KHDRBS3: variants seen among roughly 807,000 people sequenced by gnomAD.
KHDRBS3 encodes KH RNA binding domain containing, signal transduction associated 3, also known as KH domain-containing, RNA-binding, signal transduction-associated protein 3.
A neutral mutation model predicts 45.6 loss-of-function variants in KHDRBS3; 23 were observed. That is an observed-to-expected ratio of 0.50 (90% CI 0.36 to 0.72). The LOEUF (loss-of-function observed/expected upper bound fraction) is 0.72. Ranked by LOEUF, KHDRBS3 falls within the 30% of genes least tolerant of loss-of-function variation. The pLI, the probability that KHDRBS3 is intolerant of heterozygous loss-of-function variation, is 0.00. For synonymous variants in KHDRBS3, 162 were observed against 156.5 expected, an observed-to-expected ratio of 1.04 and a Z score of -0.26; for missense variants, 352 against 424.8, an observed-to-expected ratio of 0.83 and a Z score of 1.51.
chr8:135,630,364 G>A (rs1830541733), intron 7 of KHDRBS3, among the ~76,000 whole-genome samples: 1 of 152,086 alleles, frequency 6.6e-6, no homozygotes. Context: ...TTCTAATCCT[G>A]GCTTCACCAC....
intron 7 of KHDRBS3, among the ~76,000 whole-genome samples, chr8:135,611,249 A>G (rs1043938641): frequency 1.3e-5 from 2 of 151,900 alleles, no homozygotes; most frequent in Non-Finnish European, 2.9e-5. Flanking sequence ...AATCCTCATA[A>G]CATGTCAAAT....
At chr8:135,643,338 C>T (rs1418193516) in intron 7 of KHDRBS3, among the ~76,000 whole-genome samples, 3 of 152,136 alleles carry the variant, frequency 2.0e-5, no homozygotes, top group African/African-American at 7.2e-5. Context: ...TGGAGGTGCC[C>T]CTTCTCCGTA....
chr8:135,651,817 A>G (rs534891911), downstream of KHDRBS3, among the ~76,000 whole-genome samples: 2 of 152,302 alleles, frequency 1.3e-5, no homozygotes, highest in South Asian at 4.1e-4. Context: ...CACTGTGAGC[A>G]AGATGATTCC....
At chr8:135,496,279 C>G (rs1317777092) in intron 1 of KHDRBS3, among the ~76,000 whole-genome samples, 1 of 151,588 alleles carries the variant, frequency 6.6e-6, no homozygotes, top group Admixed American at 6.6e-5. Flanking sequence ...GATGCCCAGG[C>G]TGGAGTGCAG....
chr8:135,646,530 G>A (rs62525219), intron 8 of KHDRBS3, among the ~76,000 whole-genome samples: 210 of 152,228 alleles, frequency 1.4e-3, no homozygotes, highest in Non-Finnish European at 2.2e-3. Flanking sequence ...GCCCCTTCCC[G>A]TTTTGCTCTC....
intron 1 of KHDRBS3, among the ~76,000 whole-genome samples, chr8:135,505,472 T>C (rs1164497263): frequency 6.6e-6 from 1 of 152,154 alleles, no homozygotes; most frequent in Non-Finnish European, 1.5e-5. Flanking sequence ...TCCCAGGTAC[T>C]TTCCACTATA....
chr8:135,553,041 T>C (rs564385100), intron 4 of KHDRBS3, among the ~76,000 whole-genome samples: 2 of 152,316 alleles, frequency 1.3e-5, no homozygotes, highest in African/African-American at 4.8e-5. Context: ...CACTCTCTTC[T>C]TGCTGTCCAT....
chr8:135,462,681 A>G (rs1821491099), intron 1 of KHDRBS3, among the ~76,000 whole-genome samples: 1 of 152,204 alleles, frequency 6.6e-6, no homozygotes, highest in South Asian at 2.1e-4. Context: ...AGAGGTTATT[A>G]GCCTAGTTTT....
chr8:135,620,501 C>T (rs959619262), intron 7 of KHDRBS3, among the ~76,000 whole-genome samples: 1 of 152,110 alleles, frequency 6.6e-6, no homozygotes, highest in African/African-American at 2.4e-5. Context: ...AGTTATGGCT[C>T]ATTTATACTT....
intron 5 of KHDRBS3, among the ~76,000 whole-genome samples, chr8:135,570,919 A>G (rs1395129202): frequency 6.6e-6 from 1 of 152,190 alleles, no homozygotes. Flanking sequence ...ACCACACTGG[A>G]GCTGATGAAG....
chr8:135,463,673 T>C (rs1222324848), intron 1 of KHDRBS3, among the ~76,000 whole-genome samples: 1 of 152,184 alleles, frequency 6.6e-6, no homozygotes, highest in East Asian at 1.9e-4. Flanking sequence ...ACATGCCAAA[T>C]AAGGTTTCTT....
intron 2 of KHDRBS3, among the ~76,000 whole-genome samples, chr8:135,522,409 G>C (rs1357402653): frequency 6.6e-6 from 1 of 152,158 alleles, no homozygotes; most frequent in Non-Finnish European, 1.5e-5. Context: ...TTCATAACCA[G>C]ATATGTTTGT....
intron 4 of KHDRBS3, among the ~76,000 whole-genome samples, chr8:135,653,864 C>G (rs1252012302): frequency 6.6e-6 from 1 of 152,150 alleles, no homozygotes; most frequent in Non-Finnish European, 1.5e-5. Context: ...TGTGATATTT[C>G]TCTAACCATT....
intron 6 of KHDRBS3, among the ~76,000 whole-genome samples, chr8:135,591,226 G>T (rs774693919): frequency 1.3e-5 from 2 of 152,190 alleles, no homozygotes; most frequent in African/African-American, 2.4e-5. Flanking sequence ...CCCTGTCAAT[G>T]TATTCTAATG....
intron 1 of KHDRBS3, among the ~76,000 whole-genome samples, chr8:135,511,405 A>G (rs923643717): frequency 2.6e-5 from 4 of 151,766 alleles, no homozygotes; most frequent in Non-Finnish European, 5.9e-5. Context: ...CCTCCTCATT[A>G]TTATTCTTCC....
chr8:135,585,252 A>C (rs1309259195), intron 6 of KHDRBS3, among the ~76,000 whole-genome samples: 2 of 151,838 alleles, frequency 1.3e-5, no homozygotes, highest in Non-Finnish European at 2.9e-5. Flanking sequence ...AAAAAAGAAA[A>C]ATCGTTTCTT....
intron 1 of KHDRBS3, among the ~76,000 whole-genome samples, chr8:135,497,391 C>A (rs1046276711): frequency 6.6e-6 from 1 of 152,152 alleles, no homozygotes; most frequent in African/African-American, 2.4e-5. Flanking sequence ...GCTTGCATGT[C>A]TTTTCTGCCT....
At chr8:135,481,395 T>C (rs541963694) in intron 1 of KHDRBS3, among the ~76,000 whole-genome samples, 71 of 152,042 alleles carry the variant, frequency 4.7e-4, no homozygotes, top group African/African-American at 1.5e-3. Context: ...CTTTAAATTA[T>C]GGCTTGAGTA....
intron 1 of KHDRBS3, among the ~76,000 whole-genome samples, chr8:135,465,389 A>G (rs566400287): frequency 4.6e-5 from 7 of 152,332 alleles, no homozygotes; most frequent in South Asian, 2.1e-4. Context: ...CACTTTTCAG[A>G]TATAATGTAT....
Sources: allele counts gnomAD v4.1 joint callset (sites outside exome capture counted in the v4.1 genomes callset), GRCh38; gene constraint gnomAD v4.1.1; transcripts MANE v1.5; gene names NCBI Gene and HGNC (gene_info 2026-07-23, HGNC 2026-07-21).